SLC22A15: variants seen among roughly 807,000 people sequenced by gnomAD.
The protein encoded by SLC22A15 is solute carrier family 22 member 15.
In SLC22A15, 45 loss-of-function variants were observed where a neutral mutation model predicts 62.7. The ratio of observed to expected loss-of-function variants is 0.72; its 90% CI spans 0.56 to 0.92. SLC22A15 has a LOEUF of 0.92. SLC22A15 is among the 40% of genes least tolerant of loss of function. SLC22A15 has a pLI of 0.00. For synonymous variants in SLC22A15, 264 were observed against 267.0 expected (o/e 0.99, Z 0.11); for missense variants, 622 against 665.6 (o/e 0.93, Z 0.72).
intron 2 of SLC22A15, among the ~76,000 whole-genome samples, chr1:116,019,021 T>C (rs992346558): frequency 1.3e-5 from 2 of 152,234 alleles, no homozygotes; most frequent in Non-Finnish European, 2.9e-5. Flanking sequence ...CAAATACAGG[T>C]GCTATGAACA....
intron 6 of SLC22A15, chr1:116,032,040 A>G (rs746413580): frequency 3.9e-6 from 4 of 1,029,308 alleles, no homozygotes; most frequent in Non-Finnish European, 4.7e-6. Flanking sequence ...TGGCACTCCC[A>G]CTCACTAACT....
Position 116,066,700 on chromosome 1 carries a change from C to T in SLC22A15, c.1546C>T (p.Pro516Ser), listed in dbSNP as rs191145189. 6.2e-7 allele frequency: 1 copy of T among 1,611,344 alleles called. No homozygotes were observed. The highest frequency in any genetic ancestry group is 8.5e-7 in the Non-Finnish European group (1 of 1,178,916). Residue 516 changes from proline to serine, a missense_variant, in exon 11 of 12, where the codon CCC becomes TCC. By Grantham distance (74) the Pro-to-Ser change is moderately conservative. Transcript: ENST00000369503. The stretch of plus-strand genomic sequence containing the variant: ...AGCATTATCTTTACAGGCTTTGGAC[C>T]CCCAACAGGTGTGATATTTTTCTTA... ...EEALSLQALD[P>S]QQCVDKESSL...
intron 2 of SLC22A15, among the ~76,000 whole-genome samples, chr1:115,992,634 T>TC (rs1655209569): frequency 6.6e-6 from 1 of 151,150 alleles, no homozygotes; most frequent in South Asian, 2.1e-4. Flanking sequence ...CTTTTTTTTT[T>TC]TTTTTGAGAC....
At chr1:116,066,757 T>C (rs1461116164) in intron 11 of SLC22A15, 49 bp downstream of exon 11, 2 of 1,510,706 alleles carry the variant, frequency 1.3e-6, no homozygotes, top group African/African-American at 1.4e-5. Flanking sequence ...TGGCAGTTAA[T>C]GAAAAAAAGA....
intron 1 of SLC22A15, among the ~76,000 whole-genome samples, chr1:115,987,764 CG>C (rs1654943670): frequency 2.0e-5 from 3 of 152,020 alleles, no homozygotes; most frequent in African/African-American, 7.3e-5. Context: ...TTATTTTCTC[CG>C]AAAAAAGCTC....
rs1658539329 is a variant in SLC22A15, at chr1:116,068,082, T to C, written c.*974T>C. The C allele has an allele frequency of 6.6e-6, 1 of 152,652 alleles. No homozygotes were observed. Among genetic ancestry groups the C allele is most frequent in the African/African-American group, 2.4e-5 (1 of 41,466 alleles). 9.5% of individuals were successfully genotyped at this position (152,652 alleles called of 1,614,324 possible). A position where few individuals can be genotyped will look rare whatever the true frequency, so the allele number is the denominator to read the frequency against. On this transcript the variant is annotated 3_prime_UTR_variant, in exon 12 of 12. Transcript: ENST00000369503. ...TGTGCCATGAGGGATTTGGACAATA[T>C]TTAAGAACTTCTTGTCCTAGATCAG...
chr1:116,021,188 A>G (rs1412066650), intron 4 of SLC22A15, among the ~76,000 whole-genome samples: 1 of 152,216 alleles, frequency 6.6e-6, no homozygotes, highest in Non-Finnish European at 1.5e-5. Flanking sequence ...AATTTTTACA[A>G]CTTAAACTGA....
intron 2 of SLC22A15, among the ~76,000 whole-genome samples, chr1:116,011,395 C>T (rs185822663): frequency 2.0e-5 from 3 of 152,122 alleles, no homozygotes; most frequent in Middle Eastern, 3.2e-3. Context: ...GAATGGCATT[C>T]GGTGGCTCCA....
intron 8 of SLC22A15, 147 bp downstream of exon 8, chr1:116,037,535 C>A: frequency 1.6e-6 from 1 of 634,308 alleles, no homozygotes; most frequent in East Asian, 2.7e-5. Context: ...GGGCCAGATT[C>A]TTTCCTTTGC....
intron 2 of SLC22A15, among the ~76,000 whole-genome samples, chr1:116,011,515 G>A (rs1164976528): frequency 1.3e-5 from 2 of 152,258 alleles, no homozygotes; most frequent in South Asian, 2.1e-4. Flanking sequence ...TAAGACGATG[G>A]CACTTGCTCT....
At chr1:116,060,712 A>G (rs1018371103) in intron 8 of SLC22A15, among the ~76,000 whole-genome samples, 1 of 152,162 alleles carries the variant, frequency 6.6e-6, no homozygotes, top group Non-Finnish European at 1.5e-5. Flanking sequence ...TGCCCTCATT[A>G]TTGGTTTAAG....
chr1:116,042,065 C>T (rs1407316853), intron 8 of SLC22A15, among the ~76,000 whole-genome samples: 2 of 143,298 alleles, frequency 1.4e-5, no homozygotes, highest in Non-Finnish European at 3.0e-5. Context: ...CTTAAAGGAA[C>T]AATAAAGTCC....
In SLC22A15 at chr1:115,993,799, T is replaced by C. The variant is rs75352307; in HGVS notation, c.300+1556T>C. On this transcript the variant is annotated intron_variant, in intron 2 of 11. Transcript: ENST00000369503. ...TCAGGACCTCTCACACTTCGTAGCT[T>C]GGTCCAGGTGTACTTTTCCAGCCCC... is the stretch of plus-strand genomic sequence containing the variant. Among the ~76,000 whole-genome samples, 491 of 152,246 alleles carry C rather than the reference T, an allele frequency of 3.2e-3. 2 individuals carry two copies. The highest frequency in any genetic ancestry group is 0.01 in the African/African-American group (431 of 41,550).
At chr1:116,027,599 G>A (rs1657159480) in intron 5 of SLC22A15, among the ~76,000 whole-genome samples, 1 of 151,856 alleles carries the variant, frequency 6.6e-6, no homozygotes, top group Admixed American at 6.6e-5. Flanking sequence ...ACACATAGAT[G>A]TTACAAGGCA....
In SLC22A15 at chr1:115,976,663, G is replaced by C; in HGVS notation, c.36G>C (p.Glu12Asp). The C allele has an allele frequency of 6.3e-7, 1 of 1,588,962 alleles. No homozygotes were observed. The highest frequency in any genetic ancestry group is 8.6e-7 in the Non-Finnish European group (1 of 1,169,382). Residue 12 changes from glutamate to aspartate, a missense_variant, in exon 1 of 12, where the codon GAG (glutamate) becomes GAC (aspartate). Coordinates refer to ENST00000369503, the MANE Select transcript of SLC22A15 (RefSeq NM_018420.3). ...EVEEAFQAVG[E>D]MGIYQMYLCF... ...AGGAGGCGTTCCAGGCGGTGGGGGA[G>C]ATGGGCATCTACCAGATGTACTTGT...
chr1:116,045,867 T>C (rs1180322307), intron 8 of SLC22A15, among the ~76,000 whole-genome samples: 1 of 151,554 alleles, frequency 6.6e-6, no homozygotes, highest in East Asian at 1.9e-4. Flanking sequence ...ATATGGTCAA[T>C]TGATTTTTTT....
Position 116,031,510 on chromosome 1 carries a change from G to A in SLC22A15, c.873G>A (p.Glu291=), listed in dbSNP as rs776140967. 6 of 1,614,026 alleles carry A rather than the reference G, an allele frequency of 3.7e-6. No homozygotes were observed. In the African/African-American group the frequency reaches 8.0e-5, roughly 22 times the overall value. ...LTHPANRSCR[E]TGSFLDLFRY... is the part of the protein sequence containing the mutation. ...ACCCAGCCAACAGGAGCTGCAGGGA[G>A]ACTGGAAGTTTCCTGGATCTCTTTC... Residue 291 remains glutamate (E), a synonymous_variant, in exon 6 of 12, where the codon GAG becomes GAA. Transcript: ENST00000369503.
chr1:116,067,154 C>A lies in SLC22A15; in HGVS notation c.*46C>A. ...AGAAGCAAAGGATCGTCTTTTATGC[C>A]TCTGGCTAAGGCAGGTTCTTCCATG... is the stretch of plus-strand genomic sequence containing the variant. On this transcript the variant is annotated 3_prime_UTR_variant, in exon 12 of 12. Transcript: ENST00000369503. The A allele has an allele frequency of 6.8e-7, 1 of 1,479,134 alleles. No homozygotes were observed. Among genetic ancestry groups the A allele is most frequent in the Non-Finnish European group, 9.3e-7 (1 of 1,070,094 alleles). 91.6% of individuals were successfully genotyped at this position (1,479,134 alleles called of 1,614,324 possible).
At chr1:116,058,453 A>T (rs1014646365) in intron 8 of SLC22A15, among the ~76,000 whole-genome samples, 2 of 152,216 alleles carry the variant, frequency 1.3e-5, no homozygotes, top group Non-Finnish European at 2.9e-5. Context: ...ATAATCAAAA[A>T]ATCAAAAAAC....
Sources: gnomAD v4.1 joint callset for allele counts (sites outside exome capture counted in the v4.1 genomes callset) on GRCh38, gnomAD v4.1.1 for gene constraint, MANE v1.5 for transcripts, NCBI Gene and HGNC (gene_info 2026-07-23, HGNC 2026-07-21) for gene names.